IGF1R: variants seen among roughly 807,000 people sequenced by gnomAD.
IGF1R encodes the protein insulin-like growth factor 1 receptor.
In IGF1R, 44 loss-of-function variants were observed where a neutral mutation model predicts 144.6. The observed-to-expected ratio is 0.30, with a 90% CI of 0.24 to 0.39. The LOEUF is 0.39. Among genes scored for constraint, IGF1R ranks in the 10% least tolerant of loss-of-function variants. The probability of loss-of-function intolerance (pLI) is 1.00; values close to 1 mark genes in which losing one functional copy is unlikely to be tolerated. For missense variants in IGF1R, 1,355 were observed against 1,833.7 expected (o/e 0.74, Z 4.77); for synonymous variants, 795 against 722.8 (o/e 1.10, Z -1.60).
At chr15:98,821,136 C>G (rs1237649702) in intron 2 of IGF1R, among the ~76,000 whole-genome samples, 1 of 152,082 alleles carries the variant, frequency 6.6e-6, no homozygotes, top group African/African-American at 2.4e-5. Context: ...TGAAGAAAAA[C>G]AAAAATCAAG....
intron 2 of IGF1R, among the ~76,000 whole-genome samples, chr15:98,783,958 A>T (rs924283819): frequency 7.3e-5 from 4 of 54,742 alleles, no homozygotes; most frequent in African/African-American, 2.4e-4. Flanking sequence ...GGCATCTGAA[A>T]TTTTTTTTTT....
chr15:98,772,500 T>TATC (rs1339134583), intron 2 of IGF1R, among the ~76,000 whole-genome samples: 2 of 102,462 alleles, frequency 2.0e-5, no homozygotes, highest in African/African-American at 6.5e-5. Flanking sequence ...TTATTATTAT[T>TATC]ATTATTATTA....
chr15:98,808,600 T>G (rs557001626), intron 2 of IGF1R, among the ~76,000 whole-genome samples: 2 of 152,066 alleles, frequency 1.3e-5, no homozygotes, highest in East Asian at 3.9e-4. Flanking sequence ...GACAAGGCCC[T>G]CACCCTTGAG....
Position 98,922,221 on chromosome 15 carries a change from G to A in IGF1R, c.2275G>A (p.Ala759Thr), listed in dbSNP as rs2151690769. 1.9e-6 allele frequency: 3 copies of A among 1,614,190 alleles called. No individual in the cohort carries two copies. Among genetic ancestry groups the A allele is most frequent in the Non-Finnish European group, 2.5e-6 (3 of 1,180,034 alleles). The change falls in exon 11 of 21, where the codon GCC becomes ACC. Residue 759 changes from alanine to threonine, a missense_variant. Coordinates refer to ENST00000650285, the MANE Select transcript of IGF1R (RefSeq NM_000875.5). ...TMSSRSRNTTAADTYNITDPE... is the reference protein window; with the variant it reads ...TMSSRSRNTTTADTYNITDPE... ...GTCCAGCCGAAGCAGGAACACCACGGCCGCAGACACCTACAACATCACCGA... is the reference window on the plus strand; with the variant it reads ...GTCCAGCCGAAGCAGGAACACCACGACCGCAGACACCTACAACATCACCGA...
chr15:98,770,142 T>A (rs1262626120), intron 2 of IGF1R, among the ~76,000 whole-genome samples: 1 of 152,242 alleles, frequency 6.6e-6, no homozygotes, highest in African/African-American at 2.4e-5. Flanking sequence ...CAGTGTGGAA[T>A]CCTGGGTGTC....
At chr15:98,903,900 C>T (rs1425639336) in intron 5 of IGF1R, among the ~76,000 whole-genome samples, 2 of 152,150 alleles carry the variant, frequency 1.3e-5, no homozygotes, top group African/African-American at 4.8e-5. Context: ...AGACAGAAAG[C>T]AGACCAGGGA....
chr15:98,848,368 A>G (rs2011415936), intron 2 of IGF1R, among the ~76,000 whole-genome samples: 1 of 152,206 alleles, frequency 6.6e-6, no homozygotes, highest in African/African-American at 2.4e-5. Flanking sequence ...CTAAAGTGCC[A>G]GTCTCTCTAT....
chr15:98,937,249 A>T (rs543809563), intron 17 of IGF1R, among the ~76,000 whole-genome samples: 29 of 152,310 alleles, frequency 1.9e-4, no homozygotes, highest in African/African-American at 5.8e-4. Context: ...AGGTGACTGG[A>T]GATCTGGCAG....
At chr15:98,772,269 A>AT (rs2141373843) in intron 2 of IGF1R, among the ~76,000 whole-genome samples, 1 of 152,100 alleles carries the variant, frequency 6.6e-6, no homozygotes, top group South Asian at 2.1e-4. Context: ...CTAATTCATA[A>AT]TTTTTTGATT....
chr15:98,932,057 T>C (rs945551323), intron 15 of IGF1R, among the ~76,000 whole-genome samples: 1 of 152,170 alleles, frequency 6.6e-6, no homozygotes, highest in Non-Finnish European at 1.5e-5. Flanking sequence ...GTGTGTAGCT[T>C]TTGACTGTGA....
chr15:98,893,099 C>A (rs1277926514), intron 3 of IGF1R, among the ~76,000 whole-genome samples: 3 of 152,188 alleles, frequency 2.0e-5, no homozygotes, highest in Non-Finnish European at 4.4e-5. Flanking sequence ...CTTTCTGAGT[C>A]TGTCAAAATC....
chr15:98,721,583 G>T (rs1355844908), intron 2 of IGF1R, among the ~76,000 whole-genome samples: 2 of 152,134 alleles, frequency 1.3e-5, no homozygotes, highest in East Asian at 1.9e-4. Context: ...AGAAATCTTG[G>T]ACCAGAGACA....
In IGF1R at chr15:98,811,616, T is replaced by G. The variant is rs185298977; in HGVS notation, c.641-79709T>G. ...GTATGTGTTGGGTCTATTTGTATTC[T>G]GTGAACCATAAGAAATAAGTCAACT... is the stretch of plus-strand genomic sequence containing the variant. On this transcript the variant is annotated intron_variant, in intron 2 of 20. Coordinates refer to ENST00000650285, the MANE Select transcript of IGF1R (RefSeq NM_000875.5). 4.2e-4 allele frequency among the ~76,000 whole-genome samples: 64 copies of G among 152,084 alleles called. No homozygotes were observed. In the East Asian group the frequency reaches 0.012, roughly 30 times the overall value.
intron 1 of IGF1R, among the ~76,000 whole-genome samples, chr15:98,655,651 A>T (rs537180189): frequency 9.9e-5 from 15 of 152,252 alleles, no homozygotes; most frequent in South Asian, 2.1e-4. Context: ...TATTAAAAAA[A>T]AAAATAAAAC....
intron 13 of IGF1R, among the ~76,000 whole-genome samples, chr15:98,928,074 C>A (rs962493145): frequency 6.6e-6 from 1 of 152,230 alleles, no homozygotes; most frequent in African/African-American, 2.4e-5. Context: ...TGTTCAGCCA[C>A]CCCTTTTTCA....
chr15:98,715,671 G>A (rs1596225643), intron 2 of IGF1R, among the ~76,000 whole-genome samples: 1 of 152,148 alleles, frequency 6.6e-6, no homozygotes. Flanking sequence ...TGGTTCAAAA[G>A]TTAAGTTTGG....
rs8032651 is a variant in IGF1R at position 98,711,380 on chromosome 15, C to T, written c.640+3273C>T. Reference sequence around the variant, plus strand: ...TACTCGATTTTGTCGTGCTGTTGCGCGGTTTTCACTTGGCACTGTCCTTTA... The same window carrying T: ...TACTCGATTTTGTCGTGCTGTTGCGTGGTTTTCACTTGGCACTGTCCTTTA... On this transcript the variant is annotated intron_variant, in intron 2 of 20. Transcript: ENST00000650285. Among the ~76,000 whole-genome samples, 1,173 of 152,196 alleles carry T rather than the reference C, an allele frequency of 7.7e-3. 21 individuals are homozygous for T. Among genetic ancestry groups the T allele is most frequent in the African/African-American group, 0.027 (1,115 of 41,476 alleles).
rs2017033155 is a variant in IGF1R, at chr15:98,957,265, C to T, written c.3927C>T (p.Ala1309=). The change falls in exon 21 of 21, where the codon GCC becomes GCT. Residue 1309 remains alanine, a synonymous_variant. Coordinates refer to ENST00000650285, the MANE Select transcript of IGF1R (RefSeq NM_000875.5). ...AGAGCGTCCCCCTGGACCCCTCGGC[C>T]TCCTCGTCCTCCCTGCCACTGCCCG... ...NMESVPLDPS[A]SSSSLPLPDR... is the part of the protein sequence containing the mutation. The T allele has an allele frequency of 2.5e-6, 4 of 1,614,050 alleles. No individual in the cohort carries two copies. Among genetic ancestry groups the T allele is most frequent in the Non-Finnish European group, 3.4e-6 (4 of 1,179,992 alleles).
chr15:98,731,792 G>A (rs537607845), intron 2 of IGF1R, among the ~76,000 whole-genome samples: 1 of 152,304 alleles, frequency 6.6e-6, no homozygotes, highest in East Asian at 1.9e-4. Context: ...TGAGCCGGTT[G>A]GTCTAGGCCA....
Sources: gnomAD v4.1 joint callset for allele counts (sites outside exome capture counted in the v4.1 genomes callset) on GRCh38, gnomAD v4.1.1 for gene constraint, MANE v1.5 for transcripts, NCBI Gene and HGNC (gene_info 2026-07-23, HGNC 2026-07-21) for gene names.